The following MMP17 variants were observed in gnomAD, a reference collection of about 807,000 sequenced individuals.
MMP17 encodes matrix metalloproteinase-17.
Under a neutral mutation model 49.1 loss-of-function variants are expected in MMP17, and 54 were observed. The ratio of observed to expected loss-of-function variants is 1.10; its 90% confidence interval spans 0.88 to 1.38. The LOEUF (loss-of-function observed/expected upper bound fraction) is 1.38, where lower values mean the gene tolerates loss of function less well. Among genes scored for constraint, MMP17 ranks in the 40% most tolerant of loss-of-function variants. MMP17 has a pLI of 0.00. For synonymous variants in MMP17, 397 were observed against 383.1 expected, an observed-to-expected ratio of 1.04 and a Z score of -0.42; for missense variants, 837 against 853.7, an observed-to-expected ratio of 0.98 and a Z score of 0.24.
chr12:131,830,556 G>T (rs950163460), intron 1 of MMP17, among the ~76,000 whole-genome samples: 3 of 152,260 alleles, frequency 2.0e-5, no homozygotes, highest in African/African-American at 7.2e-5. Flanking sequence ...AGGCCCAGGG[G>T]CGGGCGGCTT....
At chr12:131,832,842 C>CT (rs922820459) in intron 1 of MMP17, among the ~76,000 whole-genome samples, 3 of 152,228 alleles carry the variant, frequency 2.0e-5, no homozygotes, top group Admixed American at 6.5e-5. Flanking sequence ...ACCCGCTCCT[C>CT]TGCGCTGTGT....
chr12:131,842,349 C>T (rs974241085), intron 5 of MMP17, among the ~76,000 whole-genome samples: 1 of 152,190 alleles, frequency 6.6e-6, no homozygotes, highest in African/African-American at 2.4e-5. Context: ...CCCTCCACAC[C>T]GCCCACCACA....
Position 131,844,082 on chromosome 12 carries a change from G to A in MMP17, c.968+1G>A, listed in dbSNP as rs756600031. The A allele has an allele frequency of 4.2e-5, 65 of 1,554,332 alleles. No individual in the cohort carries two copies. The highest frequency in any genetic ancestry group is 3.3e-4 in the South Asian group (28 of 84,970). On this transcript the variant is annotated splice_donor_variant, in intron 6 of 9. Coordinates refer to ENST00000360564, the MANE Select transcript of MMP17 (RefSeq NM_016155.7). LOFTEE classifies it high-confidence loss of function. ...CCCCAGACAACCGGTCCAGCGCCCC[G>A]TAAGCCCTGGGCCCACGGTCACCAC...
At chr12:131,840,174 T>C (rs1887309751) in intron 3 of MMP17, 1 of 183,676 alleles carries the variant, frequency 5.4e-6, no homozygotes, top group East Asian at 1.4e-4. Flanking sequence ...CACCTTCTGC[T>C]GTCCCCCGGA....
In MMP17 at chr12:131,845,373, G is replaced by C. The variant is rs138777246; in HGVS notation, c.1128G>C (p.Arg376=). Residue 376 remains arginine (R), a synonymous_variant, in exon 8 of 10, where the codon CGG becomes CGC. Transcript: ENST00000360564. ...CGGCACAGATGCACCGCTTCTGGCG[G>C]GGCCTGCCGCTGCACCTGGACAGCG... ...LQPAQMHRFW[R]GLPLHLDSVD... The C allele has an allele frequency of 4.7e-5, 75 of 1,597,842 alleles. No homozygotes were observed. The highest frequency in any genetic ancestry group is 6.0e-5 in the Non-Finnish European group (70 of 1,174,224).
chr12:131,830,773 C>A (rs1054864451), intron 1 of MMP17, among the ~76,000 whole-genome samples: 2 of 152,148 alleles, frequency 1.3e-5, no homozygotes, highest in Admixed American at 6.5e-5. Context: ...CCCCGGAGCG[C>A]CCCCCGTATG....
At chr12:131,838,550 C>T in intron 2 of MMP17, 62 bp from the exon 3 acceptor site, 2 of 1,549,278 alleles carry the variant, frequency 1.3e-6, no homozygotes, top group Non-Finnish European at 1.7e-6. Flanking sequence ...CTTGCGGATG[C>T]TCGGGATCCT....
chr12:131,838,222 C>T lies in MMP17; in HGVS notation c.187C>T (p.Pro63Ser), dbSNP rs141090993. 12 of 1,612,620 alleles carry T rather than the reference C, an allele frequency of 7.4e-6. No homozygotes were observed. In the African/African-American group the frequency reaches 1.2e-4, roughly 16 times the overall value. The stretch of plus-strand genomic sequence containing the variant: ...GTGGCTAAGCAGGTTCGGTTACCTG[C>T]CCCCGGCTGACCCCACAACAGGGCA... ...VEWLSRFGYL[P>S]PADPTTGQLQ... Residue 63 changes from proline to serine, a missense_variant, in exon 2 of 10, where the codon CCC becomes TCC. By Grantham distance (74) the Pro-to-Ser change is moderately conservative. Transcript: ENST00000360564.
rs544698119 is a variant in MMP17, at chr12:131,846,386, TGTTTTTC to T, written c.1204+938_1204+944del. On this transcript the variant is annotated intron_variant, in intron 8 of 9. Coordinates refer to ENST00000360564, the MANE Select transcript of MMP17 (RefSeq NM_016155.7). This position sits in a 1 kb window ranked among gnomAD's most constrained non-coding sequence, Gnocchi z 4.6. The stretch of plus-strand genomic sequence containing the variant: ...TGTTTGTTTTTTGTTTTTTGTTTTT[TGTTTTTC>T]TGAGACAAAGTCTCACTCTGTTGCC... Among the ~76,000 whole-genome samples, 129 of 152,280 alleles carry T rather than the reference TGTTTTTC, an allele frequency of 8.5e-4. 2 individuals are homozygous for T. The Middle Eastern group carries it at 0.01, about 12-fold the overall frequency.
At position 131,845,448 on chromosome 12, in the gene MMP17, A is replaced by C. The variant is rs1452331224; in HGVS notation, c.1203A>C (p.Lys401Asn). 1 of 1,562,136 alleles carries C rather than the reference A, an allele frequency of 6.4e-7. No individual in the cohort carries two copies. Among genetic ancestry groups the C allele is most frequent in the East Asian group, 2.3e-5 (1 of 44,224 alleles). Residue 401 changes from lysine (K) to asparagine (N), a missense_variant and splice_region_variant, in exon 8 of 10, where the codon AAA (lysine) becomes AAC (asparagine). By Grantham distance (94) the Lys-to-Asn change is moderately conservative (BLOSUM62 0). Coordinates refer to ENST00000360564, the MANE Select transcript of MMP17 (RefSeq NM_016155.7). ...GCGACCACAAGATCGTCTTCTTTAA[A>C]GGTGGGTGGGCCTCCCCGTCGCACT... Reference protein sequence around the residue: ...RTSDHKIVFFKGDRYWVFKDN... With the variant: ...RTSDHKIVFFNGDRYWVFKDN...
intron 1 of MMP17, among the ~76,000 whole-genome samples, chr12:131,830,465 T>C (rs1330621527): frequency 4.6e-5 from 7 of 152,192 alleles, no homozygotes; most frequent in Admixed American, 1.3e-4. Flanking sequence ...GCGTGGAGCC[T>C]CCGTCCTGCC....
chr12:131,828,886 C>G (rs1343223405), intron 1 of MMP17, among the ~76,000 whole-genome samples: 1 of 152,042 alleles, frequency 6.6e-6, no homozygotes, highest in East Asian at 1.9e-4. Context: ...CGGCTCCGTG[C>G]GCTGGGAGCG....
At chr12:131,844,840 C>G in intron 6 of MMP17, 2 of 450,694 alleles carry the variant, frequency 4.4e-6, no homozygotes. Context: ...CCCAGCCAGG[C>G]CCAGGGTGCT....
chr12:131,830,454 G>A (rs1182496514), intron 1 of MMP17, among the ~76,000 whole-genome samples: 1 of 152,256 alleles, frequency 6.6e-6, no homozygotes, highest in Non-Finnish European at 1.5e-5. Flanking sequence ...GGCCCGGCCT[G>A]GCGTGGAGCC....
Position 131,844,343 on chromosome 12 carries a change from G to A in MMP17, c.968+262G>A, listed in dbSNP as rs1593234522. 1.8e-5 allele frequency: 9 copies of A among 510,668 alleles called. No homozygotes were observed. In the Admixed American group the frequency reaches 3.7e-4, roughly 21 times the overall value. 31.6% of individuals were successfully genotyped at this position (510,668 alleles called of 1,614,324 possible). Reference sequence around the variant, plus strand: ...CCTGTCAGCTACTGCCATGTGACAAGCAGCCCAGCTTGAGGAATGTTTCAT... The same window carrying A: ...CCTGTCAGCTACTGCCATGTGACAAACAGCCCAGCTTGAGGAATGTTTCAT... On this transcript the variant is annotated intron_variant, in intron 6 of 9. Transcript: ENST00000360564.
chr12:131,833,035 C>T (rs1886905826), intron 1 of MMP17, among the ~76,000 whole-genome samples: 1 of 152,224 alleles, frequency 6.6e-6, no homozygotes, highest in African/African-American at 2.4e-5. Flanking sequence ...AGGCGGAGAC[C>T]CGGAAGCCAA....
chr12:131,849,131 G>A (rs140774356), intron 8 of MMP17, among the ~76,000 whole-genome samples: 134 of 152,278 alleles, frequency 8.8e-4, no homozygotes, highest in African/African-American at 3.2e-3. Context: ...TTTTGAGGGC[G>A]TTTCTAGTGA....
In MMP17 at chr12:131,840,751, G is replaced by A. The variant is rs373894628; in HGVS notation, c.601G>A (p.Asp201Asn). 11 of 1,604,206 alleles carry A rather than the reference G, an allele frequency of 6.9e-6. No individual in the cohort carries two copies. Among genetic ancestry groups the A allele is most frequent in the East Asian group, 6.7e-5 (3 of 44,882 alleles). Residue 201 changes from aspartate (D) to asparagine (N), a missense_variant, in exon 4 of 10, where the codon GAC becomes AAC. Coordinates refer to ENST00000360564, the MANE Select transcript of MMP17 (RefSeq NM_016155.7). ...CGACCATAACGACGGCTACCCCTTC[G>A]ACGGCCCCGGCGGCACCGTGGCCCA... ...KADHNDGYPF[D>N]GPGGTVAHAF...
Position 131,838,265 on chromosome 12 carries a change from A to G in MMP17, c.230A>G (p.Glu77Gly). The G allele has an allele frequency of 1.2e-6, 2 of 1,613,272 alleles. No homozygotes were observed. The highest frequency in any genetic ancestry group is 1.7e-6 in the Non-Finnish European group (2 of 1,179,974). The part of the protein sequence containing the change: ...PTTGQLQTQE[E>G]LSKAITAMQQ... Reference sequence around the variant, plus strand: ...ACAGGGCAGCTGCAGACGCAAGAGGAGCTGTCTAAGGCCATCACAGCCATG... The same window carrying G: ...ACAGGGCAGCTGCAGACGCAAGAGGGGCTGTCTAAGGCCATCACAGCCATG... The change falls in exon 2 of 10, where the codon GAG becomes GGG. Residue 77 changes from glutamate (E) to glycine (G), a missense_variant. By Grantham distance (98) the Glu-to-Gly change is moderately conservative. Transcript: ENST00000360564.
Sources: allele counts gnomAD v4.1 joint callset (sites outside exome capture counted in the v4.1 genomes callset), GRCh38; gene constraint gnomAD v4.1.1; non-coding constraint Gnocchi (gnomAD v3.1); transcripts MANE v1.5; gene names NCBI Gene and HGNC (gene_info 2026-07-23, HGNC 2026-07-21).